Variants in HS6ST2 observed in about 807,000 individuals in gnomAD.
HS6ST2 encodes the protein heparan sulfate 6-O-sulfotransferase 2.
A neutral mutation model predicts 33.0 loss-of-function variants in HS6ST2; 17 were observed. The observed-to-expected ratio is 0.52, with a 90% CI of 0.35 to 0.77. The LOEUF (loss-of-function observed/expected upper bound fraction) is 0.77. Ranked by LOEUF, HS6ST2 falls within the 30% of genes least tolerant of loss-of-function variation. The probability of loss-of-function intolerance (pLI) is 0.01; values close to 1 mark genes in which losing one functional copy is unlikely to be tolerated. For synonymous variants in HS6ST2, 248 were observed against 237.1 expected, an observed-to-expected ratio of 1.05 and a Z score of -0.42; for missense variants, 519 against 551.7, an observed-to-expected ratio of 0.94 and a Z score of 0.59.
intron 2 of HS6ST2, among the ~76,000 whole-genome samples, chrX:132,743,960 T>C (rs970001857): frequency 9.0e-5 from 10 of 110,841 alleles, no homozygotes; most frequent in African/African-American, 3.3e-4. Flanking sequence ...TGTCTGTGTG[T>C]GTGTGTGTGT....
chrX:132,903,978 C>T (rs774163185), intron 2 of HS6ST2, among the ~76,000 whole-genome samples: 7 of 111,945 alleles, frequency 6.3e-5, no homozygotes, highest in Non-Finnish European at 9.4e-5. Context: ...ACCCATGTGG[C>T]CATGGCCCAA....
chrX:132,910,332 C>T (rs942555433), intron 2 of HS6ST2, among the ~76,000 whole-genome samples: 2 of 111,158 alleles, frequency 1.8e-5, no homozygotes, highest in African/African-American at 6.5e-5. Context: ...TTCTTGTTCA[C>T]CAGTTTTGCA....
intron 2 of HS6ST2, among the ~76,000 whole-genome samples, chrX:132,744,058 G>C (rs989030085): frequency 2.7e-5 from 3 of 111,320 alleles, no homozygotes; most frequent in African/African-American, 9.8e-5. Flanking sequence ...AAAGTGCTTG[G>C]ATTACAGGCA....
chrX:132,748,299 G>C (rs1352119383), intron 2 of HS6ST2, among the ~76,000 whole-genome samples: 1 of 111,860 alleles, frequency 8.9e-6, no homozygotes, highest in Non-Finnish European at 1.9e-5. Flanking sequence ...AGCCTATCTT[G>C]AACACTTTGG....
chrX:132,756,620 G>T (rs2148304091), intron 2 of HS6ST2, among the ~76,000 whole-genome samples: 1 of 108,916 alleles, frequency 9.2e-6, no homozygotes, highest in African/African-American at 3.4e-5. Context: ...TCCCATGTGT[G>T]CTCTCTTGCT....
intron 2 of HS6ST2, among the ~76,000 whole-genome samples, chrX:132,794,568 G>GATTATTATTATTATTATT (rs200135097): frequency 5.1e-5 from 5 of 98,061 alleles, no homozygotes; most frequent in African/African-American, 2.0e-4. Flanking sequence ...TGATGATGAT[G>GATTATTATTATTATTATT]ATGATGATTA....
chrX:132,771,105 C>T (rs1292292340), intron 2 of HS6ST2, among the ~76,000 whole-genome samples: 12 of 111,128 alleles, frequency 1.1e-4, no homozygotes, highest in Non-Finnish European at 2.1e-4. Flanking sequence ...CAATTATAAA[C>T]CTAATTATTA....
chrX:132,706,687 A>G (rs2064191235), intron 3 of HS6ST2, among the ~76,000 whole-genome samples: 1 of 112,449 alleles, frequency 8.9e-6, no homozygotes, highest in Non-Finnish European at 1.9e-5. Context: ...CAACTAAAAA[A>G]TAGCAAGTAC....
intron 2 of HS6ST2, among the ~76,000 whole-genome samples, chrX:132,730,519 G>C (rs1175069000): frequency 8.9e-6 from 1 of 112,031 alleles, no homozygotes; most frequent in Non-Finnish European, 1.9e-5. Flanking sequence ...CAACCCACCA[G>C]AGAGGGATTT....
At position 132,853,317 on chromosome X, in the gene HS6ST2, C is replaced by CT. The variant is rs57523861; in HGVS notation, c.947+103490dup. 1.6e-3 allele frequency among the ~76,000 whole-genome samples: 155 copies of CT among 94,094 alleles called. 1 individual carries two copies. Among genetic ancestry groups the CT allele is most frequent in the East Asian group, 9.4e-3 (28 of 2,992 alleles). The allele number at this position is 94,094 out of a possible 115,157, so 81.7% of individuals were successfully genotyped here. A position where few individuals can be genotyped will look rare whatever the true frequency, so the allele number is the denominator to read the frequency against. On this transcript the variant is annotated intron_variant, in intron 2 of 4. Coordinates refer to ENST00000370833, the MANE Select transcript of HS6ST2 (RefSeq NM_001394073.1). ...TACAGGCGTGTGCTAGGGTGCCTGGCTTTTTTTTTTTTTTCTTTTTTTTTA... is the reference window on the plus strand; with the variant it reads ...TACAGGCGTGTGCTAGGGTGCCTGGCTTTTTTTTTTTTTTTCTTTTTTTTTA...
intron 2 of HS6ST2, among the ~76,000 whole-genome samples, chrX:132,734,537 C>T (rs1329847375): frequency 8.9e-6 from 1 of 112,139 alleles, no homozygotes; most frequent in Non-Finnish European, 1.9e-5. Context: ...CTTGTGAACT[C>T]TCACAGCCTT....
At chrX:132,700,457 C>G (rs1159010465) in intron 3 of HS6ST2, among the ~76,000 whole-genome samples, 2 of 109,519 alleles carry the variant, frequency 1.8e-5, no homozygotes. Flanking sequence ...TCTTTCAGTT[C>G]CGAAAGAGGA....
At chrX:132,772,428 A>G (rs755780506) in intron 2 of HS6ST2, among the ~76,000 whole-genome samples, 4 of 109,481 alleles carry the variant, frequency 3.7e-5, no homozygotes, top group Admixed American at 1.0e-4. Flanking sequence ...TAAAGATGCA[A>G]GAAGGGAAAT....
chrX:132,898,876 A>G (rs776675523), intron 2 of HS6ST2, among the ~76,000 whole-genome samples: 16 of 110,975 alleles, frequency 1.4e-4, no homozygotes, highest in Admixed American at 7.7e-4. Context: ...TGGCATACGT[A>G]TGGGAGGAAA....
intron 3 of HS6ST2, among the ~76,000 whole-genome samples, chrX:132,698,374 G>T (rs190886674): frequency 8.9e-6 from 1 of 111,962 alleles, no homozygotes; most frequent in Non-Finnish European, 1.9e-5. Flanking sequence ...ATTTGCCAAT[G>T]ATGACAAGGG....
intron 2 of HS6ST2, among the ~76,000 whole-genome samples, chrX:132,888,713 G>A (rs1170775052): frequency 9.0e-6 from 1 of 111,328 alleles, no homozygotes; most frequent in Non-Finnish European, 1.9e-5. Context: ...CATGTTGCTT[G>A]GGCTGGTCGT....
chrX:132,645,975 A>G (rs2063638247), intron 4 of HS6ST2, among the ~76,000 whole-genome samples: 1 of 112,412 alleles, frequency 8.9e-6, no homozygotes, highest in South Asian at 3.7e-4. Context: ...AGACACTGAT[A>G]TTAGTGCACA....
chrX:132,740,438 C>T (rs960639883), intron 2 of HS6ST2, among the ~76,000 whole-genome samples: 3 of 111,588 alleles, frequency 2.7e-5, no homozygotes, highest in African/African-American at 9.8e-5. Flanking sequence ...GTTCCTAGAG[C>T]TTCTCTCCCA....
chrX:132,696,903 T>TA (rs2064108969), intron 3 of HS6ST2, among the ~76,000 whole-genome samples: 1 of 111,830 alleles, frequency 8.9e-6, no homozygotes, highest in East Asian at 2.8e-4. Flanking sequence ...ACCCTTACCT[T>TA]AGAGTATTTA....
Sources: allele counts gnomAD v4.1 joint callset (sites outside exome capture counted in the v4.1 genomes callset), GRCh38; gene constraint gnomAD v4.1.1; transcripts MANE v1.5; gene names NCBI Gene and HGNC (gene_info 2026-07-23, HGNC 2026-07-21).